MYO9A: variants seen among roughly 807,000 people sequenced by gnomAD.
The protein encoded by MYO9A is myosin IXA.
Under a neutral mutation model 293.3 loss-of-function variants are expected in MYO9A, and 103 were observed. The observed-to-expected ratio is 0.35, with a 90% CI of 0.30 to 0.41. The LOEUF (loss-of-function observed/expected upper bound fraction) is 0.41, where lower values mean the gene tolerates loss of function less well. Ranked by LOEUF, MYO9A falls within the 10% of genes least tolerant of loss-of-function variation. The probability of loss-of-function intolerance (pLI) is 1.00; values close to 1 mark genes in which losing one functional copy is unlikely to be tolerated. For synonymous variants in MYO9A, 1,001 were observed against 1,035.7 expected, an observed-to-expected ratio of 0.97 and a Z score of 0.64; for missense variants, 2,685 against 3,033.0, an observed-to-expected ratio of 0.89 and a Z score of 2.69.
intron 33 of MYO9A, among the ~76,000 whole-genome samples, chr15:71,862,236 T>C (rs56087519): frequency 0.013 from 1,926 of 152,238 alleles, 27 homozygotes; most frequent in African/African-American, 0.02. Context: ...AGGCATGAAG[T>C]AATTGAAATA....
chr15:71,824,744 A>T lies in MYO9A; in HGVS notation c.*1836T>A, dbSNP rs1230763339. On this transcript the variant is annotated 3_prime_UTR_variant, in exon 42 of 42. Transcript: ENST00000356056. ...TAACATTTGCTCATTAACTATCATT[A>T]TTCTGGAGATTTTAATGGCTTCCTT... is the stretch of plus-strand genomic sequence containing the variant. 1 of 152,216 alleles carries T rather than the reference A, an allele frequency of 6.6e-6. No individual in the cohort carries two copies. The highest frequency in any genetic ancestry group is 1.5e-5 in the Non-Finnish European group (1 of 68,036). The allele number at this position is 152,216 out of a possible 1,614,324, so 9.4% of individuals were successfully genotyped here.
At chr15:71,905,824 G>A (rs1218740126) in intron 19 of MYO9A, among the ~76,000 whole-genome samples, 1 of 149,170 alleles carries the variant, frequency 6.7e-6, no homozygotes, top group African/African-American at 2.5e-5. Flanking sequence ...TTTGGTGTCA[G>A]TGTTTTGTCT....
chr15:71,881,416 G>GCC (rs1172879555), intron 28 of MYO9A, among the ~76,000 whole-genome samples: 2 of 151,866 alleles, frequency 1.3e-5, no homozygotes, highest in African/African-American at 4.8e-5. Flanking sequence ...GAAAAAAGTA[G>GCC]CCCCCTACAT....
At chr15:72,024,720 A>T (rs372287587) in intron 4 of MYO9A, among the ~76,000 whole-genome samples, 4 of 152,358 alleles carry the variant, frequency 2.6e-5, no homozygotes, top group African/African-American at 9.6e-5. Flanking sequence ...ATAGAACTAC[A>T]TACAAAGTTT....
At chr15:71,887,253 C>T (rs2057047345) in intron 27 of MYO9A, among the ~76,000 whole-genome samples, 1 of 152,082 alleles carries the variant, frequency 6.6e-6, no homozygotes. Flanking sequence ...AATCATACTG[C>T]TAAGTATAGA....
chr15:71,894,029 A>C (rs141650743), intron 25 of MYO9A, among the ~76,000 whole-genome samples: 19 of 152,274 alleles, frequency 1.2e-4, no homozygotes, highest in African/African-American at 4.3e-4. Context: ...TATGTTTAAG[A>C]ATAGTAGCTG....
intron 33 of MYO9A, among the ~76,000 whole-genome samples, chr15:71,860,498 C>A (rs188108937): frequency 2.6e-5 from 4 of 152,246 alleles, no homozygotes; most frequent in Admixed American, 1.3e-4. Context: ...TGGCTTATGT[C>A]ATTTTGTTAC....
chr15:72,008,540 T>C (rs761190510), intron 7 of MYO9A, among the ~76,000 whole-genome samples: 3 of 151,290 alleles, frequency 2.0e-5, no homozygotes, highest in Non-Finnish European at 4.4e-5. Flanking sequence ...ATGTGGGGTA[T>C]ATTAACCTCT....
chr15:72,064,160 C>T (rs2078953808), intron 1 of MYO9A, among the ~76,000 whole-genome samples: 1 of 151,934 alleles, frequency 6.6e-6, no homozygotes, highest in African/African-American at 2.4e-5. Flanking sequence ...TTATCAGAGG[C>T]TGGGAAGAGT....
At chr15:71,855,596 T>C (rs910825120) in intron 34 of MYO9A, among the ~76,000 whole-genome samples, 1 of 152,224 alleles carries the variant, frequency 6.6e-6, no homozygotes, top group African/African-American at 2.4e-5. Flanking sequence ...TTCCTTCTCC[T>C]GTACCATTGT....
rs183927065 is a variant in MYO9A, at chr15:71,922,017, G to A, written c.2563-5525C>T. Among the ~76,000 whole-genome samples, 14 of 151,566 alleles carry A rather than the reference G, an allele frequency of 9.2e-5. No homozygotes were observed. In the East Asian group the frequency reaches 1.9e-3, roughly 21 times the overall value. On this transcript the variant is annotated intron_variant, in intron 18 of 41. Transcript: ENST00000356056. ...TTTGAGCATGGAGTCTCACTCTGTC[G>A]TCCAAGCTGGAGTGCAGTGGCGCGA... is the stretch of plus-strand genomic sequence containing the variant.
Position 71,852,155 on chromosome 15 carries a change from T to C in MYO9A, c.6452A>G (p.Tyr2151Cys). Residue 2151 changes from tyrosine (Y) to cysteine (C), a missense_variant, in exon 36 of 42, where the codon TAT (tyrosine) becomes TGT (cysteine). This residue lies in a region of MYO9A where 238 missense variants were observed against 269.1 expected (regional missense o/e 0.88). Transcript: ENST00000356056. ...ACCCATAGCTCGAAGAAATTCCTCA[T>C]AGAGTTCAAAGGTCATGAGAGGATT... ...LPNPLMTFELYEEFLRAMGLQ... is the reference protein window; with the variant it reads ...LPNPLMTFELCEEFLRAMGLQ... 6.2e-7 allele frequency: 1 copy of C among 1,612,524 alleles called. No homozygotes were observed.
At chr15:71,843,440 G>A (rs1013029853) in intron 39 of MYO9A, among the ~76,000 whole-genome samples, 2 of 152,024 alleles carry the variant, frequency 1.3e-5, no homozygotes, top group African/African-American at 2.4e-5. Flanking sequence ...CAAAAATAAA[G>A]TAAATAAATA....
chr15:72,057,234 A>T (rs1382703179), intron 1 of MYO9A, among the ~76,000 whole-genome samples: 1 of 152,144 alleles, frequency 6.6e-6, no homozygotes, highest in African/African-American at 2.4e-5. Context: ...ACACCACTGA[A>T]CTCCAGCCTT....
chr15:72,103,530 A>C (rs968326519), intron 1 of MYO9A, among the ~76,000 whole-genome samples: 5 of 150,678 alleles, frequency 3.3e-5, no homozygotes, highest in South Asian at 2.2e-4. Flanking sequence ...GAAGCAGTGG[A>C]AGCAGAAGCA....
chr15:71,995,221 G>A (rs2076663947), intron 9 of MYO9A, among the ~76,000 whole-genome samples: 1 of 152,194 alleles, frequency 6.6e-6, no homozygotes. Context: ...GACTTTGCCA[G>A]TTACAGTAGG....
chr15:71,832,150 G>A (rs1312763190), intron 39 of MYO9A, among the ~76,000 whole-genome samples: 1 of 152,086 alleles, frequency 6.6e-6, no homozygotes, highest in African/African-American at 2.4e-5. Flanking sequence ...GGTGGCATGC[G>A]CCTGTAGTCC....
chr15:71,927,482 T>G (rs962634244), intron 18 of MYO9A, among the ~76,000 whole-genome samples: 1 of 152,156 alleles, frequency 6.6e-6, no homozygotes, highest in Non-Finnish European at 1.5e-5. Flanking sequence ...CAATTGTCCC[T>G]CAATATCCAT....
chr15:72,110,750 G>A (rs2080751721), intron 1 of MYO9A, among the ~76,000 whole-genome samples: 1 of 152,178 alleles, frequency 6.6e-6, no homozygotes, highest in African/African-American at 2.4e-5. Flanking sequence ...TATTTTAACT[G>A]AAAAAAATCA....
Sources: allele counts gnomAD v4.1 joint callset (sites outside exome capture counted in the v4.1 genomes callset), GRCh38; gene constraint gnomAD v4.1.1; regional missense constraint gnomAD v4.1.1; transcripts MANE v1.5; gene names NCBI Gene and HGNC (gene_info 2026-07-23, HGNC 2026-07-21).